The following CYLC1 variants were observed in gnomAD, a reference collection of about 807,000 sequenced individuals.
CYLC1 encodes cylicin-1.
CYLC1 carries 2 observed loss-of-function variants against 31.6 expected under a neutral mutation model. The observed-to-expected ratio is 0.06, with a 90% CI of 0.03 to 0.20. CYLC1 has a LOEUF of 0.20. Among genes scored for constraint, CYLC1 ranks in the 10% least tolerant of loss-of-function variants. CYLC1 has a pLI of 1.00. For synonymous variants in CYLC1, 185 were observed against 153.0 expected (o/e 1.21, Z -1.54); for missense variants, 595 against 424.1 (o/e 1.40, Z -3.54).
intron 4 of CYLC1, among the ~76,000 whole-genome samples, chrX:83,877,597 A>C (rs2147783233): frequency 9.2e-6 from 1 of 108,230 alleles, no homozygotes; most frequent in East Asian, 2.9e-4. Flanking sequence ...GTTTCCTCTG[A>C]TTGGAATATT....
chrX:83,879,719 A>G (rs1254764068), intron 4 of CYLC1, among the ~76,000 whole-genome samples: 2 of 86,322 alleles, frequency 2.3e-5, no homozygotes, highest in African/African-American at 7.1e-5. Flanking sequence ...ACCATATCAA[A>G]CATTCAAACA....
chrX:83,870,978 C>T, intron 2 of CYLC1, among the ~76,000 whole-genome samples: 1 of 110,286 alleles, frequency 9.1e-6, no homozygotes, highest in Non-Finnish European at 1.9e-5. Flanking sequence ...AAGAAACACT[C>T]AGATGTAATC....
Position 83,861,149 on chromosome X carries a change from A to G in CYLC1, c.-34A>G, listed in dbSNP as rs2031503032. 1 of 1,176,077 alleles carries G rather than the reference A, an allele frequency of 8.5e-7. No individual in the cohort carries two copies. The stretch of plus-strand genomic sequence containing the variant: ...TCAACATTACCAGTTTCAACTTACT[A>G]TGCTCAAGTCCAGGCAACGTACAGG... On this transcript the variant is annotated 5_prime_UTR_variant, in exon 1 of 5. It removes an upstream start codon present in the reference 5' UTR. Coordinates refer to ENST00000329312, the MANE Select transcript of CYLC1 (RefSeq NM_021118.3).
At chrX:83,867,723 G>A (rs2147777637) in intron 1 of CYLC1, among the ~76,000 whole-genome samples, 1 of 110,725 alleles carries the variant, frequency 9.0e-6, no homozygotes, top group Admixed American at 9.7e-5. Flanking sequence ...CCTTCCTCTT[G>A]TAATAATTTT....
In CYLC1 at chrX:83,871,588, C is replaced by A; in HGVS notation, c.177+18C>A. 8.6e-7 allele frequency: 1 copy of A among 1,166,319 alleles called. No homozygotes were observed. Among genetic ancestry groups the A allele is most frequent in the South Asian group, 2.0e-5 (1 of 49,695 alleles). ...CAGTTACTGTAAGTATAGAAAAAGT[C>A]ATTTTTAAAAACGAAATCTAAGTTG... On this transcript the variant is annotated intron_variant, in intron 3 of 4. Transcript: ENST00000329312.
In CYLC1 at chrX:83,874,270, A is replaced by G. The variant is rs2031725880; in HGVS notation, c.1562A>G (p.Asp521Gly). ...GCAAGAAAGGACACAGAGTCTACTG[A>G]TGCTGAATTTGATGAATCTTCCAAG... ...KDARKDTEST[D>G]AEFDESSKTG... Residue 521 changes from aspartate to glycine, a missense_variant, in exon 4 of 5, where the codon GAT becomes GGT. Transcript: ENST00000329312. 3 of 1,209,809 alleles carry G rather than the reference A, an allele frequency of 2.5e-6. No individual in the cohort carries two copies. The highest frequency in any genetic ancestry group is 3.4e-6 in the Non-Finnish European group (3 of 894,484).
At chrX:83,878,898 C>T (rs773229666) in intron 4 of CYLC1, among the ~76,000 whole-genome samples, 1 of 103,225 alleles carries the variant, frequency 9.7e-6, no homozygotes, top group Non-Finnish European at 2.0e-5. Context: ...TGGCTTTTCT[C>T]CTTTTCTCCT....
intron 1 of CYLC1, among the ~76,000 whole-genome samples, chrX:83,862,951 T>C (rs745978449): frequency 7.2e-5 from 8 of 111,645 alleles, no homozygotes; most frequent in Non-Finnish European, 1.3e-4. Flanking sequence ...CAATGCTATT[T>C]CCAGGTCATT....
At chrX:83,869,759 G>A (rs759329926) in intron 1 of CYLC1, 106 bp from the exon 2 acceptor site, 76 of 350,513 alleles carry the variant, frequency 2.2e-4, no homozygotes, top group African/African-American at 1.5e-3. Flanking sequence ...ACATAGCATT[G>A]GGCTTTGTTT....
At position 83,871,537 on chromosome X, in the gene CYLC1, A is replaced by G; in HGVS notation, c.144A>G (p.Lys48=). ...CACTCCAGAGAGGTACAAATGATAA[A>G]TCAAGACCTTTGAAATCACAAATAA... ...PKPLQRGTND[K]SRPLKSQITV... The change falls in exon 3 of 5, where the codon AAA becomes AAG. Residue 48 remains lysine, a synonymous_variant. Transcript: ENST00000329312. The G allele has an allele frequency of 8.4e-7, 1 of 1,197,022 alleles. No homozygotes were observed. The highest frequency in any genetic ancestry group is 1.1e-6 in the Non-Finnish European group (1 of 888,813).
At chrX:83,877,925 T>TAC (rs1163396751) in intron 4 of CYLC1, among the ~76,000 whole-genome samples, 8 of 57,557 alleles carry the variant, frequency 1.4e-4, no homozygotes, top group South Asian at 9.4e-4. Context: ...TATATATATA[T>TAC]AAATATAAAT....
chrX:83,882,258 G>A (rs909907422), intron 4 of CYLC1, among the ~76,000 whole-genome samples: 6 of 110,567 alleles, frequency 5.4e-5, no homozygotes, highest in African/African-American at 2.0e-4. Context: ...GATATAGGTT[G>A]TGTACATCAT....
At chrX:83,883,704 A>G (rs2147787991) in intron 4 of CYLC1, among the ~76,000 whole-genome samples, 1 of 112,010 alleles carries the variant, frequency 8.9e-6, no homozygotes, top group South Asian at 3.7e-4. Context: ...CTGCATGATG[A>G]CAAAGCTCTT....
At chrX:83,864,987 T>C (rs1362199873) in intron 1 of CYLC1, among the ~76,000 whole-genome samples, 2 of 111,085 alleles carry the variant, frequency 1.8e-5, no homozygotes, top group Non-Finnish European at 3.8e-5. Context: ...TAGTATACAA[T>C]ATCATCCATT....
chrX:83,878,817 A>G lies in CYLC1; in HGVS notation c.1923+4186A>G, dbSNP rs772036667. On this transcript the variant is annotated intron_variant, in intron 4 of 4. Coordinates refer to ENST00000329312, the MANE Select transcript of CYLC1 (RefSeq NM_021118.3). ...ATTGTGTATGGGGAACTTATGAACA[A>G]ACTTTGTTATTGAATCTTATGGAGT... 2.8e-5 allele frequency among the ~76,000 whole-genome samples: 3 copies of G among 106,280 alleles called. No individual in the cohort carries two copies. In the South Asian group the frequency reaches 1.2e-3, roughly 44 times the overall value. The allele number at this position is 106,280 out of a possible 115,157, so 92.3% of individuals were successfully genotyped here.
intron 1 of CYLC1, 40 bp from the exon 2 acceptor site, chrX:83,869,825 A>T (rs1009469166): frequency 4.5e-6 from 3 of 673,735 alleles, no homozygotes; most frequent in Non-Finnish European, 5.9e-6. Flanking sequence ...TTTATTGCCC[A>T]TAATACAAAT....
intron 4 of CYLC1, among the ~76,000 whole-genome samples, chrX:83,886,070 T>G (rs1448849921): frequency 1.8e-5 from 2 of 111,645 alleles, no homozygotes; most frequent in Non-Finnish European, 3.8e-5. Context: ...AAGTATGCAT[T>G]AATATGCAAA....
Position 83,872,944 on chromosome X carries a change from A to G in CYLC1, c.236A>G (p.His79Arg). The G allele has an allele frequency of 8.3e-7, 1 of 1,200,626 alleles. No individual in the cohort carries two copies. The highest frequency in any genetic ancestry group is 1.1e-6 in the Non-Finnish European group (1 of 891,767). The change falls in exon 4 of 5, where the codon CAT becomes CGT. Residue 79 changes from histidine to arginine, a missense_variant. By Grantham distance (29) the His-to-Arg change is conservative (BLOSUM62 0). Transcript: ENST00000329312. ...GQKPAHKWIR[H>R]SFRKILQWPP... ...AAACCAGCTCATAAATGGATAAGGC[A>G]TTCTTTCAGAAAAATTTTGCAATGG...
At chrX:83,876,132 CA>C (rs1290365151) in intron 4 of CYLC1, among the ~76,000 whole-genome samples, 5 of 110,530 alleles carry the variant, frequency 4.5e-5, no homozygotes, top group African/African-American at 1.6e-4. Flanking sequence ...ATTTACTTCT[CA>C]TATATTAATA....
Sources: allele counts gnomAD v4.1 joint callset (sites outside exome capture counted in the v4.1 genomes callset), GRCh38; gene constraint gnomAD v4.1.1; transcripts MANE v1.5; gene names NCBI Gene and HGNC (gene_info 2026-07-23, HGNC 2026-07-21).